CD101: variants seen among roughly 807,000 people sequenced by gnomAD.
CD101 encodes the protein CD101 molecule, also known as immunoglobulin superfamily member 2.
CD101 carries 76 observed loss-of-function variants against 98.2 expected under a neutral mutation model. The ratio of observed to expected loss-of-function variants is 0.77; its 90% confidence interval spans 0.64 to 0.94. The LOEUF (loss-of-function observed/expected upper bound fraction) is 0.94. Among genes scored for constraint, CD101 ranks in the 40% least tolerant of loss-of-function variants. CD101 has a pLI of 0.00. For synonymous variants in CD101, 471 were observed against 472.7 expected, an observed-to-expected ratio of 1.00 and a Z score of 0.05; for missense variants, 1,145 against 1,218.8, an observed-to-expected ratio of 0.94 and a Z score of 0.90.
chr1:117,020,560 C>A (rs1034506261), intron 6 of CD101, among the ~76,000 whole-genome samples: 3 of 152,136 alleles, frequency 2.0e-5, no homozygotes, highest in Non-Finnish European at 1.5e-5. Flanking sequence ...AACAAAACAA[C>A]CAAAAATCTC....
chr1:117,029,204 A>AAGGAAAGAAGG lies in CD101; in HGVS notation c.2824+3301_2824+3302insGGAAAGAAGGA, dbSNP rs367830006. Among the ~76,000 whole-genome samples, 4 of 58,874 alleles carry AAGGAAAGAAGG rather than the reference A, an allele frequency of 6.8e-5. No individual in the cohort carries two copies. In the East Asian group the frequency reaches 1.6e-3, roughly 24 times the overall value. 38.6% of individuals were successfully genotyped at this position (58,874 alleles called of 152,430 possible). ...GAAAGAAAGAAAGAAAGAAAGAAAG[A>AAGGAAAGAAGG]AAAGAAAGAAAAGAAAGAAAGAAAG... On this transcript the variant is annotated intron_variant, in intron 8 of 9. Transcript: ENST00000682167.
At chr1:117,035,832 G>A (rs1022201165) in intron 9 of CD101, among the ~76,000 whole-genome samples, 1 of 152,242 alleles carries the variant, frequency 6.6e-6, no homozygotes, top group East Asian at 1.9e-4. Flanking sequence ...GATTACAGGC[G>A]TGAGCCACCA....
intron 4 of CD101, among the ~76,000 whole-genome samples, chr1:117,014,222 TG>T (rs1653069181): frequency 7.5e-6 from 1 of 133,462 alleles, no homozygotes; most frequent in Non-Finnish European, 1.7e-5. Context: ...TGTGTGTGTG[TG>T]TGTGTGATAT....
rs78578263 is a variant in CD101 at position 117,010,506 on chromosome 1, A to T, written c.424+276A>T. ...CCGCAGCTCTCCATAGGTTGCTAGT[A>T]GCAACAGCATTCAACAAAGCTGTGA... On this transcript the variant is annotated intron_variant, in intron 2 of 9. Coordinates refer to ENST00000682167, the MANE Select transcript of CD101 (RefSeq NM_001256106.3). This position sits in a 1 kb window ranked among gnomAD's most constrained non-coding sequence, Gnocchi z 5.2. 1.3e-5 allele frequency among the ~76,000 whole-genome samples: 2 copies of T among 152,234 alleles called. No individual in the cohort carries two copies. The highest frequency in any genetic ancestry group is 4.8e-5 in the African/African-American group (2 of 41,462).
Position 117,033,942 on chromosome 1 carries a change from T to G in CD101, c.2907T>G (p.Leu969=). The change falls in exon 9 of 10, where the codon CTT becomes CTG. Residue 969 remains leucine (L), a synonymous_variant. Transcript: ENST00000682167. This position sits in a 1 kb window ranked among gnomAD's most constrained non-coding sequence, Gnocchi z 4.8. ...LFICPFVLLL[L]LLISLLCLYW... is the part of the protein sequence containing the mutation. ...TCTGTCCCTTCGTCCTGCTCCTCCT[T>G]CTGCTCATCTCCCTCCTCTGCTTAT... 6.2e-7 allele frequency: 1 copy of G among 1,614,170 alleles called. No individual in the cohort carries two copies. Among genetic ancestry groups the G allele is most frequent in the African/African-American group, 1.3e-5 (1 of 75,026 alleles).
intron 8 of CD101, 116 bp downstream of exon 8, chr1:117,026,020 A>G (rs1653901689): frequency 1.7e-6 from 2 of 1,157,314 alleles, no homozygotes; most frequent in South Asian, 1.7e-5. Flanking sequence ...CAGACTGAAG[A>G]CAATTTTCAG....
chr1:117,016,995 C>G (rs1653259987), intron 4 of CD101, 95 bp from the exon 5 acceptor site: 1 of 1,382,870 alleles, frequency 7.2e-7, no homozygotes, highest in Non-Finnish European at 9.8e-7. Flanking sequence ...TTGTCACAAA[C>G]TAGTCAAGTC....
chr1:117,028,955 T>G (rs1404056824), intron 8 of CD101, among the ~76,000 whole-genome samples: 1 of 151,812 alleles, frequency 6.6e-6, no homozygotes, highest in Non-Finnish European at 1.5e-5. Context: ...GTGAAAGTAT[T>G]TTAGTTTTGC....
rs568906585 is a variant in CD101 at position 117,013,315 on chromosome 1, G to C, written c.842-91G>C. 2.8e-6 allele frequency: 4 copies of C among 1,409,580 alleles called. No homozygotes were observed. In the Admixed American group the frequency reaches 6.9e-5, roughly 24 times the overall value. The allele number at this position is 1,409,580 out of a possible 1,614,324, so 87.3% of individuals were successfully genotyped here. A position where few individuals can be genotyped will look rare whatever the true frequency, so the allele number is the denominator to read the frequency against. On this transcript the variant is annotated intron_variant, in intron 3 of 9. Transcript: ENST00000682167. ...CTCCCACATAAAATGTGATCCCTGTGACATCCTTACAGAGGGTGTCATCTC... is the reference window on the plus strand; with the variant it reads ...CTCCCACATAAAATGTGATCCCTGTCACATCCTTACAGAGGGTGTCATCTC...
In CD101 at chr1:117,021,623, A is replaced by G. The variant is rs756603245; in HGVS notation, c.2068A>G (p.Asn690Asp). The G allele has an allele frequency of 1.2e-6, 2 of 1,604,350 alleles. No homozygotes were observed. Residue 690 changes from asparagine (N) to aspartate (D), a missense_variant, in exon 7 of 10, where the codon AAC becomes GAC. By Grantham distance (23) the Asn-to-Asp change is conservative (BLOSUM62 1). Transcript: ENST00000682167. The surrounding 1 kb of genome is among the most constrained non-coding windows in gnomAD (Gnocchi z 4.7). Reference protein sequence around the residue: ...SRSQVQELSINSNTDIECSIL... With the variant: ...SRSQVQELSIDSNTDIECSIL... ...GAGTCAAGTCCAAGAGCTCTCCATC[A>G]ACTCCAACACTGATATAGAATGTAG...
Position 117,029,214 on chromosome 1 carries a change from AAAG to A in CD101, c.2824+3313_2824+3315del, listed in dbSNP as rs748524722. On this transcript the variant is annotated intron_variant, in intron 8 of 9. Coordinates refer to ENST00000682167, the MANE Select transcript of CD101 (RefSeq NM_001256106.3). ...AAGAAAGAAAGAAAGAAAAGAAAGA[AAAG>A]AAAGAAAGAAAGAAAGAAAGAAAGA... is the stretch of plus-strand genomic sequence containing the variant. Among the ~76,000 whole-genome samples, 51 of 22,722 alleles carry A rather than the reference AAAG, an allele frequency of 2.2e-3. 2 individuals are homozygous for A. Among genetic ancestry groups the A allele is most frequent in the Middle Eastern group, 0.015 (1 of 68 alleles). 14.9% of individuals were successfully genotyped at this position (22,722 alleles called of 152,430 possible). A position where few individuals can be genotyped will look rare whatever the true frequency, so the allele number is the denominator to read the frequency against.
intron 8 of CD101, among the ~76,000 whole-genome samples, chr1:117,028,214 C>T (rs940894256): frequency 2.6e-5 from 4 of 152,236 alleles, no homozygotes; most frequent in African/African-American, 7.2e-5. Flanking sequence ...TGAGCTAAGG[C>T]GGTACCCATG....
chr1:117,014,997 C>A (rs1426665565), intron 4 of CD101, among the ~76,000 whole-genome samples: 3 of 152,186 alleles, frequency 2.0e-5, no homozygotes, highest in African/African-American at 7.2e-5. Context: ...TATCTGCAGG[C>A]TTTTGTAAAC....
intron 7 of CD101, among the ~76,000 whole-genome samples, chr1:117,025,039 G>A (rs1653816771): frequency 6.6e-6 from 1 of 152,196 alleles, no homozygotes; most frequent in African/African-American, 2.4e-5. Flanking sequence ...TGGCAAATGT[G>A]AGAGAAAAAC....
At position 117,019,617 on chromosome 1, in the gene CD101, C is replaced by A. The variant is rs1233165468; in HGVS notation, c.2017+1057C>A. 2.6e-5 allele frequency among the ~76,000 whole-genome samples: 4 copies of A among 152,168 alleles called. No individual in the cohort carries two copies. Among genetic ancestry groups the A allele is most frequent in the Non-Finnish European group, 5.9e-5 (4 of 68,038 alleles). ...CTTTGTTCTCTTTTCATTCTATACG[C>A]TCTCCTGCAGTGGACTCGTCCCTAC... is the stretch of plus-strand genomic sequence containing the variant. On this transcript the variant is annotated intron_variant, in intron 6 of 9. Transcript: ENST00000682167. The surrounding 1 kb of genome is among the most constrained non-coding windows in gnomAD (Gnocchi z 4.3).
At chr1:117,009,114 T>C (rs1444560769) in intron 1 of CD101, among the ~76,000 whole-genome samples, 1 of 152,252 alleles carries the variant, frequency 6.6e-6, no homozygotes, top group Non-Finnish European at 1.5e-5. Flanking sequence ...TTTGTTCTAA[T>C]AGAAAACATT....
chr1:117,005,926 AC>A lies in CD101; in HGVS notation c.44-3921del, dbSNP rs1015282252. Reference sequence around the variant, plus strand: ...TTTTCAAAGGGTTAAAGTCTATTTAACCCTTTGAAAATATGTATAATTTATA... The same window carrying A: ...TTTTCAAAGGGTTAAAGTCTATTTAACCTTTGAAAATATGTATAATTTATA... On this transcript the variant is annotated intron_variant, in intron 1 of 9. Coordinates refer to ENST00000682167, the MANE Select transcript of CD101 (RefSeq NM_001256106.3). This position sits in a 1 kb window ranked among gnomAD's most constrained non-coding sequence, Gnocchi z 4.4. Among the ~76,000 whole-genome samples, 1 of 151,572 alleles carries A rather than the reference AC, an allele frequency of 6.6e-6. No homozygotes were observed. The highest frequency in any genetic ancestry group is 1.5e-5 in the Non-Finnish European group (1 of 67,890).
chr1:117,008,254 C>A (rs1013952010), intron 1 of CD101, among the ~76,000 whole-genome samples: 1 of 152,052 alleles, frequency 6.6e-6, no homozygotes, highest in Non-Finnish European at 1.5e-5. Flanking sequence ...CACTTGAGGT[C>A]AGGAGTTCGA....
chr1:117,013,584 C>T lies in CD101; in HGVS notation c.1020C>T (p.Asp340=), dbSNP rs936590016. 3.8e-5 allele frequency: 62 copies of T among 1,614,052 alleles called. No individual in the cohort carries two copies. The highest frequency in any genetic ancestry group is 5.1e-5 in the Non-Finnish European group (60 of 1,180,038). The part of the protein sequence containing the change: ...DAGGVLGLKN[D]YKERASQGEL... Reference sequence around the variant, plus strand: ...GTGGAGTCCTGGGCCTGAAGAATGACTACAAAGAGAGAGCAAGTCAAGGAG... The same window carrying T: ...GTGGAGTCCTGGGCCTGAAGAATGATTACAAAGAGAGAGCAAGTCAAGGAG... Residue 340 remains aspartate (D), a synonymous_variant, in exon 4 of 10, where the codon GAC becomes GAT. Transcript: ENST00000682167.
Sources: allele counts gnomAD v4.1 joint callset (sites outside exome capture counted in the v4.1 genomes callset), GRCh38; gene constraint gnomAD v4.1.1; non-coding constraint Gnocchi (gnomAD v3.1); transcripts MANE v1.5; gene names NCBI Gene and HGNC (gene_info 2026-07-23, HGNC 2026-07-21).